Variants in PTPN9 observed in about 807,000 individuals in gnomAD.
PTPN9 encodes the protein protein tyrosine phosphatase non-receptor type 9.
In PTPN9, 26 loss-of-function variants were observed where a neutral mutation model predicts 69.8. That is an observed-to-expected ratio of 0.37 (90% confidence interval 0.27 to 0.52). The LOEUF (loss-of-function observed/expected upper bound fraction) is 0.52. PTPN9 is among the 20% of genes least tolerant of loss of function. PTPN9 has a pLI of 0.91. For missense variants in PTPN9, 549 were observed against 740.3 expected, an observed-to-expected ratio of 0.74 and a Z score of 3.00; for synonymous variants, 274 against 272.5, an observed-to-expected ratio of 1.01 and a Z score of -0.05.
At chr15:75,525,874 G>A (rs551069675) in intron 2 of PTPN9, among the ~76,000 whole-genome samples, 5 of 151,940 alleles carry the variant, frequency 3.3e-5, no homozygotes, top group African/African-American at 1.2e-4. Flanking sequence ...GCAGTGAGCT[G>A]AGATCATGCC....
intron 7 of PTPN9, among the ~76,000 whole-genome samples, chr15:75,494,480 G>C (rs1371204170): frequency 6.6e-6 from 1 of 151,712 alleles, no homozygotes; most frequent in East Asian, 2.0e-4. Flanking sequence ...AGCCTCCCGA[G>C]TAGCTGGGAT....
chr15:75,552,951 G>A (rs922457526), intron 1 of PTPN9, among the ~76,000 whole-genome samples: 20 of 151,726 alleles, frequency 1.3e-4, no homozygotes, highest in Admixed American at 5.3e-4. Flanking sequence ...GGCTAGAATG[G>A]TACTAAAAAG....
At chr15:75,486,188 G>A (rs534233856) in intron 8 of PTPN9, among the ~76,000 whole-genome samples, 48 of 151,644 alleles carry the variant, frequency 3.2e-4, no homozygotes, top group South Asian at 2.1e-3. Flanking sequence ...GAACAAACCC[G>A]GAACACTATG....
intron 5 of PTPN9, among the ~76,000 whole-genome samples, chr15:75,514,045 G>A (rs1190094219): frequency 1.4e-5 from 2 of 147,874 alleles, no homozygotes; most frequent in Admixed American, 6.8e-5. Context: ...GTTGCAGTGA[G>A]CCGAGATAGC....
intron 8 of PTPN9, chr15:75,480,730 CG>C: frequency 7.7e-7 from 1 of 1,301,480 alleles, no homozygotes; most frequent in Non-Finnish European, 9.9e-7. Flanking sequence ...TGGAGTTCAG[CG>C]GGCAGCGGAG....
At chr15:75,569,695 A>C (rs969119402) in intron 1 of PTPN9, among the ~76,000 whole-genome samples, 12 of 151,906 alleles carry the variant, frequency 7.9e-5, no homozygotes, top group South Asian at 2.1e-4. Context: ...AAAAAAAAAA[A>C]AAAAAAACAG....
intron 7 of PTPN9, among the ~76,000 whole-genome samples, chr15:75,503,412 C>T (rs1274611317): frequency 1.4e-5 from 2 of 146,200 alleles, no homozygotes. Flanking sequence ...TCCGCCCCAT[C>T]TGAGAAGTGA....
intron 1 of PTPN9, among the ~76,000 whole-genome samples, chr15:75,569,971 C>G (rs2075142172): frequency 6.6e-6 from 1 of 151,952 alleles, no homozygotes; most frequent in Non-Finnish European, 1.5e-5. Flanking sequence ...CAGGTGAGCG[C>G]CACCACTCCC....
chr15:75,530,719 TA>T lies in PTPN9; in HGVS notation c.64-3459del. Among the ~76,000 whole-genome samples, 2 of 29,866 alleles carry T rather than the reference TA, an allele frequency of 6.7e-5. 1 individual carries two copies. The highest frequency in any genetic ancestry group is 5.5e-4 in the African/African-American group (2 of 3,618). The allele number at this position is 29,866 out of a possible 152,430, so 19.6% of individuals were successfully genotyped here. ...ATATATAATATATATTATTATATAA[TA>T]TATATAATATATATTATTATATAAT... On this transcript the variant is annotated intron_variant, in intron 1 of 12. Transcript: ENST00000618819.
chr15:75,499,586 A>T (rs1180434995), intron 7 of PTPN9, among the ~76,000 whole-genome samples: 1 of 151,722 alleles, frequency 6.6e-6, no homozygotes, highest in African/African-American at 2.4e-5. Context: ...TTGTATTATT[A>T]GAAGAGACGG....
At chr15:75,472,236 G>A (rs973164351) in intron 10 of PTPN9, among the ~76,000 whole-genome samples, 2 of 149,254 alleles carry the variant, frequency 1.3e-5, no homozygotes, top group African/African-American at 2.5e-5. Context: ...GAGGCAGGCG[G>A]ATCACGAGGT....
At chr15:75,540,487 A>G (rs1159746549) in intron 1 of PTPN9, among the ~76,000 whole-genome samples, 2 of 144,116 alleles carry the variant, frequency 1.4e-5, no homozygotes, top group African/African-American at 5.1e-5. Context: ...CAGGAGGTGG[A>G]GGTTGCAGTG....
At chr15:75,534,615 C>A (rs1418617552) in intron 1 of PTPN9, among the ~76,000 whole-genome samples, 1 of 149,808 alleles carries the variant, frequency 6.7e-6, no homozygotes, top group East Asian at 2.0e-4. Context: ...GCCAAGGCTG[C>A]AGAGGGCCAA....
chr15:75,494,151 T>C (rs867671415), intron 7 of PTPN9, among the ~76,000 whole-genome samples: 1 of 146,318 alleles, frequency 6.8e-6, no homozygotes, highest in Non-Finnish European at 1.5e-5. Context: ...TATATATATA[T>C]ATATAAAATC....
chr15:75,504,889 A>G (rs4886447), intron 7 of PTPN9, among the ~76,000 whole-genome samples: 86,382 of 147,196 alleles, frequency 0.59, 25,864 homozygotes, highest in African/African-American at 0.74. Flanking sequence ...GGTGAGGGGC[A>G]CCTCTGCCCA....
intron 7 of PTPN9, among the ~76,000 whole-genome samples, chr15:75,494,595 T>G (rs1435680516): frequency 6.6e-6 from 1 of 151,898 alleles, no homozygotes; most frequent in Non-Finnish European, 1.5e-5. Context: ...TCAGGTGATC[T>G]GCCCTCCTCA....
At chr15:75,473,481 G>A (rs889016900) in intron 10 of PTPN9, among the ~76,000 whole-genome samples, 4 of 152,066 alleles carry the variant, frequency 2.6e-5, no homozygotes, top group East Asian at 1.9e-4. Flanking sequence ...TAATAGAGAC[G>A]GGGTTTCACC....
At chr15:75,487,524 G>C (rs1158710463) in intron 8 of PTPN9, 2 of 152,306 alleles carry the variant, frequency 1.3e-5, no homozygotes, top group East Asian at 3.9e-4. Flanking sequence ...AATATGTCCT[G>C]AGTGTCTGAT....
chr15:75,516,032 A>T (rs573770820), intron 5 of PTPN9, among the ~76,000 whole-genome samples: 2 of 152,244 alleles, frequency 1.3e-5, no homozygotes, highest in South Asian at 2.1e-4. Flanking sequence ...AAAAATATTT[A>T]AAAAGGCTCC....
Sources: gnomAD v4.1 joint callset for allele counts (sites outside exome capture counted in the v4.1 genomes callset) on GRCh38, gnomAD v4.1.1 for gene constraint, MANE v1.5 for transcripts, NCBI Gene and HGNC (gene_info 2026-07-23, HGNC 2026-07-21) for gene names.